Variants in CDH12 observed in about 807,000 individuals in gnomAD.
CDH12 encodes cadherin 12.
A neutral mutation model predicts 74.1 loss-of-function variants in CDH12; 41 were observed. The observed-to-expected ratio is 0.55, with a 90% confidence interval of 0.43 to 0.72. CDH12 has a LOEUF of 0.72. CDH12 is among the 30% of genes least tolerant of loss of function. The pLI is 0.00. For missense variants in CDH12, 945 were observed against 977.2 expected (o/e 0.97, Z 0.44); for synonymous variants, 399 against 355.0 (o/e 1.12, Z -1.39).
intron 1 of CDH12, among the ~76,000 whole-genome samples, chr5:22,776,595 T>C (rs938006914): frequency 3.9e-5 from 6 of 152,096 alleles, no homozygotes; most frequent in Non-Finnish European, 5.9e-5. Flanking sequence ...AAGTTTATTC[T>C]AAATTTAGTT....
At chr5:22,652,940 A>T (rs542994823) in intron 1 of CDH12, among the ~76,000 whole-genome samples, 1 of 152,312 alleles carries the variant, frequency 6.6e-6, no homozygotes, top group South Asian at 2.1e-4. Flanking sequence ...AAATAACTGT[A>T]TGCCCAAATA....
At chr5:21,823,640 C>A in intron 8 of CDH12, among the ~76,000 whole-genome samples, 1 of 152,222 alleles carries the variant, frequency 6.6e-6, no homozygotes, top group East Asian at 1.9e-4. Context: ...GCAAAGGTAA[C>A]TGACTACCAT....
intron 1 of CDH12, among the ~76,000 whole-genome samples, chr5:22,506,315 T>C (rs1304566462): frequency 6.6e-6 from 1 of 152,172 alleles, no homozygotes; most frequent in East Asian, 1.9e-4. Context: ...TCCTTGTTTG[T>C]GTATTCATTT....
chr5:22,661,512 AG>A (rs1740347805), intron 1 of CDH12, among the ~76,000 whole-genome samples: 1 of 152,200 alleles, frequency 6.6e-6, no homozygotes, highest in Non-Finnish European at 1.5e-5. Context: ...GACCTTAAAA[AG>A]GTAAACTTTT....
At chr5:22,000,214 G>A (rs1386190908) in intron 5 of CDH12, among the ~76,000 whole-genome samples, 1 of 151,996 alleles carries the variant, frequency 6.6e-6, no homozygotes, top group African/African-American at 2.4e-5. Context: ...CTCTTGCCTT[G>A]GCCTCCCAAA....
intron 1 of CDH12, among the ~76,000 whole-genome samples, chr5:22,553,379 T>C (rs1274187823): frequency 6.6e-6 from 1 of 152,166 alleles, no homozygotes; most frequent in Admixed American, 6.6e-5. Flanking sequence ...CACTATTTTA[T>C]TTCAGTATGT....
At chr5:22,607,923 G>T (rs553032478) in intron 1 of CDH12, among the ~76,000 whole-genome samples, 44 of 152,362 alleles carry the variant, frequency 2.9e-4, no homozygotes, top group Non-Finnish European at 1.0e-4. Flanking sequence ...TTCAGTGGAT[G>T]TATGGGAACA....
intron 3 of CDH12, among the ~76,000 whole-genome samples, chr5:22,234,600 A>C (rs1157701060): frequency 7.0e-6 from 1 of 142,140 alleles, no homozygotes; most frequent in Non-Finnish European, 1.6e-5. Context: ...TTTTTTCAGC[A>C]GCATGAAAAT....
chr5:21,901,942 A>G (rs1753408149), intron 6 of CDH12, among the ~76,000 whole-genome samples: 5 of 152,160 alleles, frequency 3.3e-5, no homozygotes, highest in Admixed American at 2.0e-4. Flanking sequence ...GATAAAAGGG[A>G]TATATTCTTG....
intron 1 of CDH12, among the ~76,000 whole-genome samples, chr5:22,656,120 C>T (rs896527239): frequency 1.3e-5 from 2 of 151,982 alleles, no homozygotes; most frequent in Non-Finnish European, 2.9e-5. Flanking sequence ...TGATTATTTT[C>T]GTAGTCCATG....
At chr5:22,168,045 A>C (rs796815786) in intron 4 of CDH12, among the ~76,000 whole-genome samples, 1 of 152,066 alleles carries the variant, frequency 6.6e-6, no homozygotes. Context: ...TTTTCATGGC[A>C]CCCAAGGTGA....
intron 3 of CDH12, among the ~76,000 whole-genome samples, chr5:22,281,764 G>GA (rs1430331259): frequency 6.6e-6 from 1 of 152,132 alleles, no homozygotes; most frequent in Admixed American, 6.6e-5. Flanking sequence ...CTCATGGATA[G>GA]AAAAAATCAA....
intron 1 of CDH12, among the ~76,000 whole-genome samples, chr5:22,637,359 A>G (rs139513616): frequency 1.6e-3 from 246 of 152,346 alleles, no homozygotes; most frequent in Middle Eastern, 6.8e-3. Flanking sequence ...TCTCCAGGCA[A>G]TAGTAACTAT....
chr5:22,349,774 G>A lies in CDH12; in HGVS notation c.-333+55483C>T, dbSNP rs1273456118. ...TTTTGAGACGGAGTCTGGCTCTGTC[G>A]CCCAGGCTGGAGTGCAGTGGCGCAA... On this transcript the variant is annotated intron_variant, in intron 3 of 14. Coordinates refer to ENST00000382254, the MANE Select transcript of CDH12 (RefSeq NM_004061.5). Among the ~76,000 whole-genome samples, 9 of 151,964 alleles carry A rather than the reference G, an allele frequency of 5.9e-5. No homozygotes were observed. The East Asian group carries it at 1.6e-3, about 26-fold the overall frequency.
chr5:22,054,444 T>G (rs1487939634), intron 5 of CDH12, among the ~76,000 whole-genome samples: 1 of 152,130 alleles, frequency 6.6e-6, no homozygotes, highest in African/African-American at 2.4e-5. Context: ...AAGACTAGAA[T>G]CTACCTTTGG....
At chr5:22,095,886 G>A (rs1743746516) in intron 4 of CDH12, among the ~76,000 whole-genome samples, 1 of 150,244 alleles carries the variant, frequency 6.7e-6, no homozygotes, top group East Asian at 2.0e-4. Flanking sequence ...TCTTATCTCT[G>A]CACCACGATC....
At chr5:21,969,835 C>T (rs1351415377) in intron 6 of CDH12, among the ~76,000 whole-genome samples, 8 of 152,060 alleles carry the variant, frequency 5.3e-5, no homozygotes, top group Non-Finnish European at 8.8e-5. Context: ...CCATGGCCCA[C>T]CCAATAGAAC....
intron 1 of CDH12, among the ~76,000 whole-genome samples, chr5:22,711,408 T>C (rs1488115445): frequency 1.3e-5 from 2 of 152,086 alleles, no homozygotes; most frequent in East Asian, 1.9e-4. Flanking sequence ...ATGTGTGATA[T>C]GACAATTTTT....
chr5:22,486,649 T>G (rs950587481), intron 2 of CDH12, among the ~76,000 whole-genome samples: 1 of 151,956 alleles, frequency 6.6e-6, no homozygotes, highest in African/African-American at 2.4e-5. Flanking sequence ...AGATGGGGTT[T>G]CTCCATATTG....
Sources: gnomAD v4.1 joint callset for allele counts (sites outside exome capture counted in the v4.1 genomes callset) on GRCh38, gnomAD v4.1.1 for gene constraint, MANE v1.5 for transcripts, NCBI Gene and HGNC (gene_info 2026-07-23, HGNC 2026-07-21) for gene names.